Variants in NSD2 observed in about 807,000 individuals in gnomAD.
NSD2 encodes the protein nuclear receptor binding SET domain protein 2.
A neutral mutation model predicts 139.0 loss-of-function variants in NSD2; 12 were observed. The ratio of observed to expected loss-of-function variants is 0.09; its 90% CI spans 0.06 to 0.14. The LOEUF (loss-of-function observed/expected upper bound fraction) is 0.14, where lower values mean the gene tolerates loss of function less well. NSD2 is among the 10% of genes least tolerant of loss of function. The probability of loss-of-function intolerance (pLI) is 1.00; values close to 1 mark genes in which losing one functional copy is unlikely to be tolerated. For synonymous variants in NSD2, 669 were observed against 648.7 expected, an observed-to-expected ratio of 1.03 and a Z score of -0.48; for missense variants, 1,155 against 1,745.0, an observed-to-expected ratio of 0.66 and a Z score of 6.02.
At chr4:1,915,985 T>G (rs6814151) in intron 3 of NSD2, among the ~76,000 whole-genome samples, 14,162 of 152,042 alleles carry the variant, frequency 0.093, 2,023 homozygotes, top group African/African-American at 0.31. Context: ...TCCTTTCTTT[T>G]ATTTTGGGCC....
rs1725099307 is a variant in NSD2, at chr4:1,958,938, A to G, written c.2986-533A>G. Among the ~76,000 whole-genome samples the G allele has an allele frequency of 6.6e-6, 1 of 152,098 alleles. No homozygotes were observed. Among genetic ancestry groups the G allele is most frequent in the Admixed American group, 6.5e-5 (1 of 15,276 alleles). ...TTTCAGCTGTCTCTACTGCTTTGTT[A>G]TTTGGTTGCTTGTCTTTCACTAATA... On this transcript the variant is annotated intron_variant, in intron 16 of 21. Coordinates refer to ENST00000508803, the MANE Select transcript of NSD2 (RefSeq NM_001042424.3). The surrounding 1 kb of genome is among the most constrained non-coding windows in gnomAD (Gnocchi z 4.6).
At chr4:1,872,157 G>A (rs1482645350) in intron 1 of NSD2, among the ~76,000 whole-genome samples, 3 of 150,166 alleles carry the variant, frequency 2.0e-5, no homozygotes, top group African/African-American at 7.3e-5. Context: ...ACGCTCCCCC[G>A]GGAAGCCGGG....
At chr4:1,903,947 G>T (rs1717542979) in intron 2 of NSD2, among the ~76,000 whole-genome samples, 1 of 152,138 alleles carries the variant, frequency 6.6e-6, no homozygotes, top group Non-Finnish European at 1.5e-5. Context: ...TGTTAGCCAG[G>T]ATGGTCTTGA....
chr4:1,896,754 CTTT>C (rs1283510651), intron 1 of NSD2, among the ~76,000 whole-genome samples: 70 of 146,564 alleles, frequency 4.8e-4, no homozygotes, highest in African/African-American at 1.7e-3. Flanking sequence ...CTCTTTCTTT[CTTT>C]CCTTCTTTCT....
At chr4:1,935,676 A>G (rs528421169) in intron 7 of NSD2, among the ~76,000 whole-genome samples, 66 of 152,252 alleles carry the variant, frequency 4.3e-4, no homozygotes, top group Non-Finnish European at 6.3e-4. Context: ...CCTGGCCAAG[A>G]TGGTAATACC....
chr4:1,945,380 C>CT (rs1723516209), intron 9 of NSD2: 6 of 1,063,584 alleles, frequency 5.6e-6, no homozygotes, highest in Non-Finnish European at 6.8e-6. Context: ...CCTGGCCTTG[C>CT]TTGCCCATGG....
At chr4:1,940,525 GTTTT>G in intron 9 of NSD2, 1 of 1,064,764 alleles carries the variant, frequency 9.4e-7, no homozygotes, top group African/African-American at 1.6e-5. Context: ...TTCGGAGGTA[GTTTT>G]GGTTTCCTGA....
In NSD2 at chr4:1,979,929, C is replaced by T. The variant is rs192109520; in HGVS notation, c.*1020C>T. 2.1e-4 allele frequency: 49 copies of T among 232,602 alleles called. 1 individual carries two copies. The highest frequency in any genetic ancestry group is 1.3e-3 in the Middle Eastern group (1 of 776). The allele number at this position is 232,602 out of a possible 1,614,324, so 14.4% of individuals were successfully genotyped here. A position where few individuals can be genotyped will look rare whatever the true frequency, so the allele number is the denominator to read the frequency against. ...ACTTAGGGAGCCCCGTAGGGCGCTG[C>T]AGGCCCCGGGGACCCCAGCACGTGG... On this transcript the variant is annotated 3_prime_UTR_variant, in exon 22 of 22. Coordinates refer to ENST00000508803, the MANE Select transcript of NSD2 (RefSeq NM_001042424.3).
At chr4:1,962,215 C>T (rs1207901884) in intron 18 of NSD2, among the ~76,000 whole-genome samples, 1 of 152,216 alleles carries the variant, frequency 6.6e-6, no homozygotes, top group Non-Finnish European at 1.5e-5. Flanking sequence ...CTGTGTCAAT[C>T]ACAGGTCGTG....
chr4:1,974,952 A>G lies in NSD2; in HGVS notation c.3462A>G (p.Thr1154=). The G allele has an allele frequency of 1.2e-6, 2 of 1,614,210 alleles. No individual in the cohort carries two copies. The highest frequency in any genetic ancestry group is 1.7e-6 in the Non-Finnish European group (2 of 1,180,046). ...CQPNCETLKW[T]VNGDTRVGLF... The stretch of plus-strand genomic sequence containing the variant: ...CCAACTGTGAGACCCTCAAGTGGAC[A>G]GTGAATGGGGACACTCGTGTGGGCC... Residue 1154 remains threonine (T), a synonymous_variant, in exon 19 of 22, where the codon ACA becomes ACG. Coordinates refer to ENST00000508803, the MANE Select transcript of NSD2 (RefSeq NM_001042424.3). This position sits in a 1 kb window ranked among gnomAD's most constrained non-coding sequence, Gnocchi z 4.0.
intron 5 of NSD2, among the ~76,000 whole-genome samples, chr4:1,920,520 A>T (rs1218243515): frequency 1.3e-5 from 2 of 152,224 alleles, no homozygotes; most frequent in Non-Finnish European, 2.9e-5. Flanking sequence ...GAGGGAGAAA[A>T]GGCATTTGAT....
chr4:1,960,032 A>AT (rs578207495), intron 17 of NSD2, among the ~76,000 whole-genome samples: 108 of 150,084 alleles, frequency 7.2e-4, no homozygotes, highest in Middle Eastern at 3.4e-3. Context: ...TAATAATTTT[A>AT]TTTTTTTTTG....
Position 1,901,209 on chromosome 4 carries a change from A to G in NSD2, c.555A>G (p.Glu185=), listed in dbSNP as rs1006068617. ...CCTTGCTGGAGCAGGGCCTTGTCGA[A>G]GCAGCTCTTGTGTCTAAGATCTCAA... ...YDSLLEQGLV[E]AALVSKISSP... Residue 185 remains glutamate, a synonymous_variant, in exon 2 of 22, where the codon GAA becomes GAG. Coordinates refer to ENST00000508803, the MANE Select transcript of NSD2 (RefSeq NM_001042424.3). 9 of 1,600,796 alleles carry G rather than the reference A, an allele frequency of 5.6e-6. No individual in the cohort carries two copies. The African/African-American group carries it at 8.1e-5, about 14-fold the overall frequency.
At chr4:1,900,488 C>T in intron 1 of NSD2, 138 bp from the exon 2 acceptor site, 3 of 514,482 alleles carry the variant, frequency 5.8e-6, no homozygotes, top group Middle Eastern at 4.9e-4. Context: ...CTTCTGTGAC[C>T]TGAATTATTA....
chr4:1,976,696 G>T lies in NSD2; in HGVS notation c.3826+17G>T. The T allele has an allele frequency of 6.4e-7, 1 of 1,551,372 alleles. No individual in the cohort carries two copies. Among genetic ancestry groups the T allele is most frequent in the Non-Finnish European group, 8.7e-7 (1 of 1,147,586 alleles). ...GGCCCTTCGGTGGGTGTGCAGCCTC[G>T]CGGTGGCTTGCAGCTGTGTCTGTGT... On this transcript the variant is annotated intron_variant, in intron 21 of 21. Transcript: ENST00000508803. The surrounding 1 kb of genome is among the most constrained non-coding windows in gnomAD (Gnocchi z 5.3).
intron 6 of NSD2, among the ~76,000 whole-genome samples, chr4:1,932,898 G>A (rs187274900): frequency 3.3e-4 from 50 of 152,366 alleles, no homozygotes; most frequent in African/African-American, 1.1e-3. Flanking sequence ...GTGGGAAAGC[G>A]AGGCGCGGGG....
chr4:1,923,771 A>G (rs959460077), intron 5 of NSD2, among the ~76,000 whole-genome samples: 10 of 152,220 alleles, frequency 6.6e-5, no homozygotes, highest in African/African-American at 2.4e-4. Flanking sequence ...GTCCAAAACC[A>G]AAAAGCTACC....
chr4:1,927,865 G>A (rs1419151578), intron 5 of NSD2, among the ~76,000 whole-genome samples: 1 of 151,376 alleles, frequency 6.6e-6, no homozygotes, highest in East Asian at 1.9e-4. Context: ...TGGAAATTTG[G>A]TTTTCCATGT....
chr4:1,909,548 T>C (rs1358138857), intron 3 of NSD2, among the ~76,000 whole-genome samples: 1 of 152,080 alleles, frequency 6.6e-6, no homozygotes, highest in Non-Finnish European at 1.5e-5. Context: ...GACAGGGATG[T>C]GAAGAAGAGA....
Sources: allele counts gnomAD v4.1 joint callset (sites outside exome capture counted in the v4.1 genomes callset), GRCh38; gene constraint gnomAD v4.1.1; non-coding constraint Gnocchi (gnomAD v3.1); transcripts MANE v1.5; gene names NCBI Gene and HGNC (gene_info 2026-07-23, HGNC 2026-07-21).